Variants in CHSY1 observed in about 807,000 individuals in gnomAD.
The protein encoded by CHSY1 is chondroitin sulfate synthase 1, also known as N-acetylgalactosaminyl-proteoglycan 3-beta-glucuronosyltransferase 1.
In CHSY1, 13 loss-of-function variants were observed where a neutral mutation model predicts 59.8. That is an observed-to-expected ratio of 0.22 (90% CI 0.14 to 0.35). CHSY1 has a LOEUF of 0.35. CHSY1 is among the 10% of genes least tolerant of loss of function. The pLI is 1.00. For missense variants in CHSY1, 947 were observed against 1,030.6 expected (o/e 0.92, Z 1.11); for synonymous variants, 459 against 401.2 (o/e 1.14, Z -1.72).
At chr15:101,249,011 GC>G (rs1486706329) in intron 1 of CHSY1, among the ~76,000 whole-genome samples, 1 of 143,604 alleles carries the variant, frequency 7.0e-6, no homozygotes, top group African/African-American at 2.6e-5. Flanking sequence ...CACCGTGTTA[GC>G]CAGGATGGTC....
At chr15:101,181,337 G>T (rs2141238904) in intron 2 of CHSY1, among the ~76,000 whole-genome samples, 1 of 152,328 alleles carries the variant, frequency 6.6e-6, no homozygotes, top group East Asian at 1.9e-4. Flanking sequence ...ACATGTATTT[G>T]TTTCAAGTAT....
chr15:101,220,631 G>A (rs1185202015), intron 2 of CHSY1, among the ~76,000 whole-genome samples: 1 of 152,178 alleles, frequency 6.6e-6, no homozygotes, highest in East Asian at 1.9e-4. Context: ...GCAGAGCAGA[G>A]GGACCCTCTG....
In CHSY1 at chr15:101,178,534, C is replaced by T; in HGVS notation, c.1263G>A (p.Lys421=). Residue 421 remains lysine (K), a synonymous_variant, in exon 3 of 3, where the codon AAG becomes AAA. Coordinates refer to ENST00000254190, the MANE Select transcript of CHSY1 (RefSeq NM_014918.5). The part of the protein sequence containing the change: ...QVMEMINANA[K]TRGRIIDFKE... ...TGAAGTCAATGATGCGCCCTCTGGT[C>T]TTGGCGTTGGCATTGATCATCTCCA... is the stretch of plus-strand genomic sequence containing the variant. 1 of 1,614,260 alleles carries T rather than the reference C, an allele frequency of 6.2e-7. No homozygotes were observed. Among genetic ancestry groups the T allele is most frequent in the Non-Finnish European group, 8.5e-7 (1 of 1,180,044 alleles).
rs145555188 is a variant in CHSY1 at position 101,193,603 on chromosome 15, C to T, written c.817-14623G>A. On this transcript the variant is annotated intron_variant, in intron 2 of 2. Coordinates refer to ENST00000254190, the MANE Select transcript of CHSY1 (RefSeq NM_014918.5). ...CATGCACATGTGCGTATTTTAATGG[C>T]GTCATCAGCAAGAAAGGTTTAAATG... 2.7e-3 allele frequency among the ~76,000 whole-genome samples: 405 copies of T among 152,298 alleles called. 3 individuals carry two copies. The highest frequency in any genetic ancestry group is 8.5e-3 in the South Asian group (41 of 4,826).
intron 2 of CHSY1, among the ~76,000 whole-genome samples, chr15:101,211,185 G>A (rs141698444): frequency 5.3e-5 from 8 of 152,064 alleles, no homozygotes; most frequent in Non-Finnish European, 1.0e-4. Flanking sequence ...TTAGCCGGGC[G>A]TGGTGGCAGG....
intron 2 of CHSY1, among the ~76,000 whole-genome samples, chr15:101,231,321 G>A (rs184872062): frequency 2.0e-5 from 3 of 152,278 alleles, no homozygotes; most frequent in East Asian, 1.9e-4. Flanking sequence ...TAGGTATTAC[G>A]CTACCATTCA....
At chr15:101,184,912 C>T (rs562502321) in intron 2 of CHSY1, among the ~76,000 whole-genome samples, 34 of 152,260 alleles carry the variant, frequency 2.2e-4, no homozygotes, top group Non-Finnish European at 4.0e-4. Context: ...GGAACACATA[C>T]CTGTAATGAT....
rs138319279 is a variant in CHSY1, at chr15:101,204,303, G to A, written c.817-25323C>T. On this transcript the variant is annotated intron_variant, in intron 2 of 2. Coordinates refer to ENST00000254190, the MANE Select transcript of CHSY1 (RefSeq NM_014918.5). ...ACAAAAATTAGCTGGGCGTGGTGGC[G>A]TGCACCTGTAATCCCAGCTACTCGG... Among the ~76,000 whole-genome samples, 1,299 of 151,044 alleles carry A rather than the reference G, an allele frequency of 8.6e-3. 18 individuals are homozygous for A. The highest frequency in any genetic ancestry group is 0.03 in the African/African-American group (1,224 of 41,158).
chr15:101,227,844 C>T (rs111403558), intron 2 of CHSY1, among the ~76,000 whole-genome samples: 6 of 152,056 alleles, frequency 3.9e-5, no homozygotes, highest in African/African-American at 7.2e-5. Context: ...TAGAGACTTC[C>T]GTGGCCACAT....
At chr15:101,232,370 T>C (rs1220543474) in intron 2 of CHSY1, among the ~76,000 whole-genome samples, 1 of 152,176 alleles carries the variant, frequency 6.6e-6, no homozygotes, top group African/African-American at 2.4e-5. Flanking sequence ...GTGAACACAA[T>C]GATAAACCTA....
rs191176059 is a variant in CHSY1, at chr15:101,228,614, T to C, written c.816+6468A>G. Among the ~76,000 whole-genome samples, 380 of 152,322 alleles carry C rather than the reference T, an allele frequency of 2.5e-3. 5 individuals carry two copies. Among genetic ancestry groups the C allele is most frequent in the Admixed American group, 0.02 (303 of 15,300 alleles). On this transcript the variant is annotated intron_variant, in intron 2 of 2. Transcript: ENST00000254190. The stretch of plus-strand genomic sequence containing the variant: ...CTAAGAATTCTATATCCAAGAAAGA[T>C]GTCCTTTAAAAGTGGAGGAGAAATT...
Position 101,220,654 on chromosome 15 carries a change from C to T in CHSY1, c.816+14428G>A, listed in dbSNP as rs138512880. ...GAGGGACCCTCTGGAAATGGAGGCT[C>T]GTCTGCCCCAACTCTCAGGGCCCTC... On this transcript the variant is annotated intron_variant, in intron 2 of 2. Transcript: ENST00000254190. Among the ~76,000 whole-genome samples the T allele has an allele frequency of 3.6e-3, 555 of 152,306 alleles. 2 individuals are homozygous for T. Among genetic ancestry groups the T allele is most frequent in the African/African-American group, 0.013 (523 of 41,562 alleles).
chr15:101,234,964 T>A, intron 2 of CHSY1, 118 bp downstream of exon 2: 4 of 1,335,566 alleles, frequency 3.0e-6, no homozygotes, highest in Non-Finnish European at 4.2e-6. Flanking sequence ...AAATGTAGAA[T>A]AATACCAACT....
intron 1 of CHSY1, among the ~76,000 whole-genome samples, chr15:101,237,098 C>T (rs995288782): frequency 2.6e-5 from 4 of 151,306 alleles, no homozygotes; most frequent in African/African-American, 9.7e-5. Context: ...GTGGCGTGTG[C>T]CTGTAATCCC....
chr15:101,226,404 G>A (rs2038842188), intron 2 of CHSY1, among the ~76,000 whole-genome samples: 1 of 152,140 alleles, frequency 6.6e-6, no homozygotes, highest in Non-Finnish European at 1.5e-5. Context: ...CATCTTTAAG[G>A]AAATTAAGGT....
intron 2 of CHSY1, among the ~76,000 whole-genome samples, chr15:101,225,909 C>T (rs1161844525): frequency 2.6e-5 from 4 of 152,048 alleles, no homozygotes; most frequent in South Asian, 2.1e-4. Flanking sequence ...ATAAAGAAAA[C>T]GATATGTCGA....
intron 2 of CHSY1, among the ~76,000 whole-genome samples, chr15:101,224,120 T>C (rs1381235521): frequency 6.6e-6 from 1 of 152,232 alleles, no homozygotes; most frequent in East Asian, 1.9e-4. Context: ...CCTAGGTGTG[T>C]TGGAGGCTGT....
rs2038181320 is a variant in CHSY1 at position 101,175,899 on chromosome 15, A to G, written c.*1489T>C. ...GCAGCCCTCCAATGACGTGTATTAA[A>G]ATGGCAAGTCTATCACTGTTTGAAA... On this transcript the variant is annotated 3_prime_UTR_variant, in exon 3 of 3. Coordinates refer to ENST00000254190, the MANE Select transcript of CHSY1 (RefSeq NM_014918.5). 1 of 182,026 alleles carries G rather than the reference A, an allele frequency of 5.5e-6. No homozygotes were observed. The highest frequency in any genetic ancestry group is 6.2e-5 in the Admixed American group (1 of 16,138). 11.3% of individuals were successfully genotyped at this position (182,026 alleles called of 1,614,324 possible).
chr15:101,192,386 G>A (rs1276575322), intron 2 of CHSY1, among the ~76,000 whole-genome samples: 1 of 151,952 alleles, frequency 6.6e-6, no homozygotes, highest in Non-Finnish European at 1.5e-5. Flanking sequence ...ACTCTGCACA[G>A]GGCCTTTGCC....
Sources: allele counts gnomAD v4.1 joint callset (sites outside exome capture counted in the v4.1 genomes callset), GRCh38; gene constraint gnomAD v4.1.1; transcripts MANE v1.5; gene names NCBI Gene and HGNC (gene_info 2026-07-23, HGNC 2026-07-21).